The following PRDM14 variants were observed in gnomAD, a reference collection of about 807,000 sequenced individuals.
The protein encoded by PRDM14 is PR domain zinc finger protein 14.
A neutral mutation model predicts 48.0 loss-of-function variants in PRDM14; 16 were observed. The observed-to-expected ratio is 0.33, with a 90% CI of 0.23 to 0.51. The LOEUF is 0.51. Among genes scored for constraint, PRDM14 ranks in the 20% least tolerant of loss-of-function variants. The probability of loss-of-function intolerance (pLI) is 0.97; values close to 1 mark genes in which losing one functional copy is unlikely to be tolerated. For missense variants in PRDM14, 566 were observed against 719.6 expected, an observed-to-expected ratio of 0.79 and a Z score of 2.44; for synonymous variants, 264 against 276.6, an observed-to-expected ratio of 0.95 and a Z score of 0.45.
chr8:70,064,772 G>A (rs952750068), intron 5 of PRDM14, among the ~76,000 whole-genome samples: 37 of 150,866 alleles, frequency 2.5e-4, no homozygotes, highest in Non-Finnish European at 4.0e-4. Flanking sequence ...TGATCCGCCC[G>A]CCTCACCTCC....
chr8:70,055,708 T>G (rs1361606025), intron 6 of PRDM14, among the ~76,000 whole-genome samples: 2 of 152,090 alleles, frequency 1.3e-5, no homozygotes, highest in Non-Finnish European at 2.9e-5. Context: ...GAGGTCTCAC[T>G]ATGTTGCCCA....
intron 5 of PRDM14, among the ~76,000 whole-genome samples, chr8:70,065,299 G>A (rs530135024): frequency 1.1e-4 from 16 of 152,000 alleles, no homozygotes; most frequent in South Asian, 2.1e-4. Flanking sequence ...CACAGTATCC[G>A]GCCTGCCTTC....
chr8:70,051,769 T>TG lies in PRDM14; in HGVS notation c.*307_*308insC, dbSNP rs57184248. ...TCCACACTCTTGAGGGCTACTCATT[T>TG]TTTTTGTTTTGTTTTGTTTTGAGAC... On this transcript the variant is annotated 3_prime_UTR_variant, in exon 8 of 8. Coordinates refer to ENST00000276594, the MANE Select transcript of PRDM14 (RefSeq NM_024504.4). The TG allele has an allele frequency of 0.49, 119,097 of 241,152 alleles. 29,955 individuals are homozygous for TG. Among genetic ancestry groups the TG allele is most frequent in the East Asian group, 0.7 (8,673 of 12,382 alleles). 14.9% of individuals were successfully genotyped at this position (241,152 alleles called of 1,614,324 possible). A position where few individuals can be genotyped will look rare whatever the true frequency, so the allele number is the denominator to read the frequency against.
chr8:70,053,233 C>T (rs117379691), intron 7 of PRDM14, among the ~76,000 whole-genome samples: 2,868 of 152,068 alleles, frequency 0.019, 59 homozygotes, highest in Middle Eastern at 0.031. Context: ...GATCATACTT[C>T]AAGACAAACC....
intron 6 of PRDM14, among the ~76,000 whole-genome samples, chr8:70,056,149 A>G (rs774880228): frequency 5.3e-5 from 8 of 152,264 alleles, no homozygotes; most frequent in Non-Finnish European, 1.2e-4. Context: ...GTAGCAGATT[A>G]TCTGAGACGT....
chr8:70,062,620 T>C (rs1028278129), intron 5 of PRDM14, among the ~76,000 whole-genome samples: 3 of 151,992 alleles, frequency 2.0e-5, no homozygotes, highest in East Asian at 1.9e-4. Flanking sequence ...TCTGCCACCA[T>C]GCCCAGCTAA....
At chr8:70,063,766 AACC>A (rs1375421559) in intron 5 of PRDM14, among the ~76,000 whole-genome samples, 1 of 152,116 alleles carries the variant, frequency 6.6e-6, no homozygotes, top group Admixed American at 6.6e-5. Context: ...CAGGTGACCC[AACC>A]ACCTTGGCCT....
In PRDM14 at chr8:70,068,223, G is replaced by C; in HGVS notation, c.912+7C>G. 1 of 1,614,136 alleles carries C rather than the reference G, an allele frequency of 6.2e-7. No homozygotes were observed. Among genetic ancestry groups the C allele is most frequent in the Non-Finnish European group, 8.5e-7 (1 of 1,179,996 alleles). On this transcript the variant is annotated splice_region_variant and intron_variant, in intron 4 of 7. Coordinates refer to ENST00000276594, the MANE Select transcript of PRDM14 (RefSeq NM_024504.4). ...TTCAGCAGCAGACCCACCAGAAACAGATTTACCTCCCACATCACAGAATTG... is the reference window on the plus strand; with the variant it reads ...TTCAGCAGCAGACCCACCAGAAACACATTTACCTCCCACATCACAGAATTG...
At chr8:70,061,455 C>A (rs1305200332) in intron 5 of PRDM14, among the ~76,000 whole-genome samples, 1 of 152,168 alleles carries the variant, frequency 6.6e-6, no homozygotes, top group Non-Finnish European at 1.5e-5. Flanking sequence ...ATAAACTATT[C>A]ATTAAGTAAA....
chr8:70,058,905 A>T, intron 5 of PRDM14, 63 bp from the exon 6 acceptor site: 1 of 1,271,558 alleles, frequency 7.9e-7, no homozygotes. Flanking sequence ...CTTCAAGAGG[A>T]TATTTATTTA....
At position 70,069,456 on chromosome 8, in the gene PRDM14, A is replaced by G. The variant is rs1292938807; in HGVS notation, c.405T>C (p.Gly135=). The change falls in exon 2 of 8, where the codon GGT becomes GGC. Residue 135 remains glycine (G), a synonymous_variant. Coordinates refer to ENST00000276594, the MANE Select transcript of PRDM14 (RefSeq NM_024504.4). Reference sequence around the variant, plus strand: ...AACACGGGCCACTCTCGTTGTCGCCACCAATGATTTGGTGGCCCAGATCTT... The same window carrying G: ...AACACGGGCCACTCTCGTTGTCGCCGCCAATGATTTGGTGGCCCAGATCTT... ...SSEDLGHQII[G]GDNESGPCCG... is the part of the protein sequence containing the mutation. 2 of 1,578,550 alleles carry G rather than the reference A, an allele frequency of 1.3e-6. No homozygotes were observed. Among genetic ancestry groups the G allele is most frequent in the Non-Finnish European group, 1.7e-6 (2 of 1,160,904 alleles).
chr8:70,066,202 C>T (rs201442882), intron 5 of PRDM14, 33 bp downstream of exon 5: 1 of 1,601,360 alleles, frequency 6.2e-7, no homozygotes, highest in East Asian at 2.2e-5. Context: ...TACTGGGATG[C>T]CCTCATTGGG....
intron 6 of PRDM14, among the ~76,000 whole-genome samples, chr8:70,056,940 C>T (rs1805483100): frequency 6.6e-6 from 1 of 151,548 alleles, no homozygotes; most frequent in Non-Finnish European, 1.5e-5. Context: ...CTACTGACCT[C>T]CTGGTTGACA....
At chr8:70,052,349 A>G in intron 7 of PRDM14, 45 bp from the exon 8 acceptor site, 1 of 1,466,378 alleles carries the variant, frequency 6.8e-7, no homozygotes, top group Non-Finnish European at 9.4e-7. Context: ...GTCAACTTCC[A>G]CGAGCTGGAC....
chr8:70,054,238 G>A (rs950836138), intron 7 of PRDM14, among the ~76,000 whole-genome samples: 3 of 152,146 alleles, frequency 2.0e-5, no homozygotes, highest in African/African-American at 2.4e-5. Flanking sequence ...TGCTCCTATA[G>A]AAAATTACAT....
rs1287163349 is a variant in PRDM14 at position 70,066,337 on chromosome 8, C to T, written c.1081G>A (p.Glu361Lys). 1 of 1,614,078 alleles carries T rather than the reference C, an allele frequency of 6.2e-7. No homozygotes were observed. Among genetic ancestry groups the T allele is most frequent in the Non-Finnish European group, 8.5e-7 (1 of 1,180,038 alleles). The change falls in exon 5 of 8, where the codon GAG (glutamate) becomes AAG (lysine). Residue 361 changes from glutamate (E) to lysine (K), a missense_variant. Glu to Lys is a moderately conservative substitution (Grantham distance 56, BLOSUM62 1). Around this residue, in one of 3 missense-constraint regions of PRDM14, gnomAD observed 126 missense variants for 271.6 expected, o/e 0.46. Coordinates refer to ENST00000276594, the MANE Select transcript of PRDM14 (RefSeq NM_024504.4). ...CAGTCTCCATACCACACAAGGAGCT[C>T]TTGGTTCTGATGGATCTCTTTGCAG... ...ESCKEIHQNQ[E>K]LLVWYGDCYE... is the part of the protein sequence containing the mutation.
intron 5 of PRDM14, among the ~76,000 whole-genome samples, chr8:70,059,083 T>C (rs1243525233): frequency 1.3e-5 from 2 of 151,944 alleles, no homozygotes; most frequent in African/African-American, 2.4e-5. Flanking sequence ...GCCTCCCAAG[T>C]AGCTGGGATT....
chr8:70,064,056 C>T (rs549535850), intron 5 of PRDM14, among the ~76,000 whole-genome samples: 21 of 152,100 alleles, frequency 1.4e-4, no homozygotes, highest in East Asian at 7.7e-4. Context: ...ATATCAGAGG[C>T]GATCAGAACA....
At position 70,069,903 on chromosome 8, in the gene PRDM14, C is replaced by A; in HGVS notation, c.-24-19G>T. 3 of 1,463,114 alleles carry A rather than the reference C, an allele frequency of 2.1e-6. 1 individual carries two copies. The highest frequency in any genetic ancestry group is 2.7e-5 in the South Asian group (2 of 74,334). 90.6% of individuals were successfully genotyped at this position (1,463,114 alleles called of 1,614,324 possible). A position where few individuals can be genotyped will look rare whatever the true frequency, so the allele number is the denominator to read the frequency against. On this transcript the variant is annotated intron_variant, in intron 1 of 7. Transcript: ENST00000276594. ...GGCGGCTCTGCAGAAAAGCGGGCGC[C>A]GCTGAGGACACCGCGCGGGAGCTTC...
Sources: gnomAD v4.1 joint callset for allele counts (sites outside exome capture counted in the v4.1 genomes callset) on GRCh38, gnomAD v4.1.1 for gene constraint, gnomAD v4.1.1 regional missense constraint, MANE v1.5 for transcripts, NCBI Gene and HGNC (gene_info 2026-07-23, HGNC 2026-07-21) for gene names.